BOP1: variants seen among roughly 807,000 people sequenced by gnomAD.
BOP1 encodes ribosome biogenesis protein BOP1.
In BOP1, 54 loss-of-function variants were observed where a neutral mutation model predicts 82.9. That is an observed-to-expected ratio of 0.65 (90% CI 0.52 to 0.82). The LOEUF is 0.82. Among genes scored for constraint, BOP1 ranks in the 40% least tolerant of loss-of-function variants. The pLI, the probability that BOP1 is intolerant of heterozygous loss-of-function variation, is 0.00. For synonymous variants in BOP1, 566 were observed against 451.1 expected, an observed-to-expected ratio of 1.25 and a Z score of -3.23; for missense variants, 1,170 against 1,072.0, an observed-to-expected ratio of 1.09 and a Z score of -1.28.
chr8:144,264,683 C>A, intron 5 of BOP1, 31 bp downstream of exon 5: 1 of 1,563,864 alleles, frequency 6.4e-7, no homozygotes, highest in East Asian at 2.4e-5. Context: ...CCAGGACCCC[C>A]GCCGCCCAGG....
At chr8:144,281,183 C>A (rs1177587659) in intron 2 of BOP1, among the ~76,000 whole-genome samples, 1,509 of 35,898 alleles carry the variant, frequency 0.042, 611 homozygotes, top group South Asian at 0.082. Context: ...CCCTCACTTT[C>A]ATACCAGGTC....
intron 2 of BOP1, among the ~76,000 whole-genome samples, chr8:144,288,520 T>G (rs1217943217): frequency 4.6e-5 from 7 of 152,064 alleles, no homozygotes; most frequent in African/African-American, 1.7e-4. Flanking sequence ...AGAGTGAGAC[T>G]CTGTCTCAAA....
chr8:144,269,568 G>A (rs1229654182), intron 3 of BOP1, among the ~76,000 whole-genome samples: 4 of 152,236 alleles, frequency 2.6e-5, no homozygotes, highest in Non-Finnish European at 4.4e-5. Flanking sequence ...GAGGGGGGCT[G>A]AGTCCAATCT....
chr8:144,267,334 T>G (rs1220116919), intron 3 of BOP1, among the ~76,000 whole-genome samples: 2 of 151,860 alleles, frequency 1.3e-5, no homozygotes, highest in East Asian at 3.9e-4. Context: ...GCTGGGGCCT[T>G]CTCCTGGGGC....
intron 13 of BOP1, 43 bp downstream of exon 13, chr8:144,262,810 C>CT (rs1845250919): frequency 4.8e-6 from 3 of 623,346 alleles, no homozygotes; most frequent in Non-Finnish European, 7.6e-6. Flanking sequence ...ACCGCCCCCC[C>CT]CCCCACCCCT....
chr8:144,269,639 C>T (rs1286348246), intron 3 of BOP1, among the ~76,000 whole-genome samples: 2 of 152,234 alleles, frequency 1.3e-5, no homozygotes, highest in African/African-American at 2.4e-5. Flanking sequence ...AGAAACCCAA[C>T]CCCAAATTTC....
chr8:144,262,197 CGAG>C lies in BOP1; in HGVS notation c.2205_2207del (p.Ser736del). On this transcript the variant is annotated inframe_deletion, in exon 16 of 16. Transcript: ENST00000569669. ...AGAGGCGGACAGTCCCGTCTGCCCC[CGAG>C]GAGAAGACCCACGGCTGGGTGGGGT... 7 of 1,612,700 alleles carry C rather than the reference CGAG, an allele frequency of 4.3e-6. No individual in the cohort carries two copies. Among genetic ancestry groups the C allele is most frequent in the Non-Finnish European group, 5.9e-6 (7 of 1,179,824 alleles).
In BOP1 at chr8:144,289,298, G is replaced by T. The variant is rs782467368; in HGVS notation, c.106C>A (p.Leu36Ile). The T allele has an allele frequency of 6.8e-6, 11 of 1,613,278 alleles. No homozygotes were observed. In the African/African-American group the frequency reaches 1.2e-4, roughly 18 times the overall value. ...TGGCTGAGAGGAGAGGTGCAGAGGA[G>T]GGGGGGCTGCAAGGAAACACTGGGT... ...LEPEPEPEPP[L>I]LCTSPLSHST... The change falls in exon 2 of 16, where the codon CTC becomes ATC. Residue 36 changes from leucine (L) to isoleucine (I), a missense_variant. Leu to Ile is a conservative substitution (Grantham distance 5, BLOSUM62 2). Coordinates refer to ENST00000569669, the MANE Select transcript of BOP1 (RefSeq NM_015201.5).
At chr8:144,269,308 C>A (rs1346548567) in intron 3 of BOP1, among the ~76,000 whole-genome samples, 2 of 152,246 alleles carry the variant, frequency 1.3e-5, no homozygotes, top group Non-Finnish European at 2.9e-5. Flanking sequence ...GCCTAACTTC[C>A]GGCTGGGTGG....
intron 2 of BOP1, among the ~76,000 whole-genome samples, chr8:144,284,964 G>C (rs372907603): frequency 3.3e-5 from 5 of 152,052 alleles, no homozygotes; most frequent in Non-Finnish European, 4.4e-5. Flanking sequence ...ACCCCCAGCA[G>C]TCACCGGGCT....
At chr8:144,271,812 G>A (rs912785148) in intron 3 of BOP1, among the ~76,000 whole-genome samples, 22 of 152,270 alleles carry the variant, frequency 1.4e-4, no homozygotes, top group African/African-American at 4.1e-4. Context: ...CCTCAGCTCC[G>A]GCCCGGCTCC....
rs1402390863 is a variant in BOP1, at chr8:144,291,417, G to T, written c.-47C>A. ...CACCCGCACAGCCGCTTCCGACAGC[G>T]ACCGGGCCGCGTGCGCAGGAGGACG... On this transcript the variant is annotated 5_prime_UTR_variant, in exon 1 of 16. Coordinates refer to ENST00000569669, the MANE Select transcript of BOP1 (RefSeq NM_015201.5). The surrounding 1 kb of genome is among the most constrained non-coding windows in gnomAD (Gnocchi z 4.1). 1.4e-5 allele frequency: 15 copies of T among 1,094,190 alleles called. No individual in the cohort carries two copies. The South Asian group carries it at 1.7e-4, about 13-fold the overall frequency. 67.8% of individuals were successfully genotyped at this position (1,094,190 alleles called of 1,614,324 possible).
rs1320607426 is a variant in BOP1 at position 144,263,602 on chromosome 8, C to T, written c.1300G>A (p.Asp434Asn). 1.0e-5 allele frequency: 16 copies of T among 1,607,380 alleles called. No individual in the cohort carries two copies. Among genetic ancestry groups the T allele is most frequent in the Admixed American group, 3.3e-5 (2 of 59,958 alleles). The change falls in exon 11 of 16, where the codon GAC becomes AAC. Residue 434 changes from aspartate to asparagine, a missense_variant. Transcript: ENST00000569669. ...GGQWLVSGSD[D>N]GSLRLWEVAT... ...ACCTCCCAGAGCCGCAGGGAGCCGTCGTCAGAGCCTGGATGCGGCAGAGAC... is the reference window on the plus strand; with the variant it reads ...ACCTCCCAGAGCCGCAGGGAGCCGTTGTCAGAGCCTGGATGCGGCAGAGAC...
chr8:144,266,366 G>T (rs1443518759), intron 3 of BOP1, among the ~76,000 whole-genome samples: 1 of 150,824 alleles, frequency 6.6e-6, no homozygotes, highest in African/African-American at 2.4e-5. Flanking sequence ...GGCGCTGCTC[G>T]AGGAGCCTCC....
intron 3 of BOP1, among the ~76,000 whole-genome samples, chr8:144,270,535 G>C (rs1265002466): frequency 6.6e-6 from 1 of 152,106 alleles, no homozygotes; most frequent in Non-Finnish European, 1.5e-5. Flanking sequence ...GCCGCTCCCT[G>C]AGCTGCACCG....
At chr8:144,267,379 C>T (rs993974975) in intron 3 of BOP1, among the ~76,000 whole-genome samples, 2 of 152,082 alleles carry the variant, frequency 1.3e-5, no homozygotes, top group Admixed American at 6.5e-5. Context: ...ACTCGGCTCC[C>T]AGTGGAGTGT....
chr8:144,268,137 A>C, intron 3 of BOP1: 2 of 1,551,622 alleles, frequency 1.3e-6, no homozygotes, highest in Non-Finnish European at 1.7e-6. Flanking sequence ...AGCGATTCGC[A>C]GTTAGGAGGT....
intron 3 of BOP1, chr8:144,265,995 A>G (rs1386477669): frequency 6.6e-6 from 1 of 152,500 alleles, no homozygotes; most frequent in Non-Finnish European, 1.5e-5. Flanking sequence ...TGCAGGACAG[A>G]CAGGCGGAGA....
In BOP1 at chr8:144,264,903, C is replaced by CCACCAGCCCT; in HGVS notation, c.545+4_545+13dup. Reference sequence around the variant, plus strand: ...GCCCACCCCGGCTGCTGGCCCCACCCCACCAGCCCTCACCAGTAGTCAGGA... The same window carrying CCACCAGCCCT: ...GCCCACCCCGGCTGCTGGCCCCACCCCACCAGCCCTCACCAGCCCTCACCAGTAGTCAGGA... On this transcript the variant is annotated intron_variant, in intron 4 of 15. Coordinates refer to ENST00000569669, the MANE Select transcript of BOP1 (RefSeq NM_015201.5). 6.2e-7 allele frequency: 1 copy of CCACCAGCCCT among 1,611,032 alleles called. No homozygotes were observed. Among genetic ancestry groups the CCACCAGCCCT allele is most frequent in the South Asian group, 1.1e-5 (1 of 90,982 alleles).
Sources: allele counts gnomAD v4.1 joint callset (sites outside exome capture counted in the v4.1 genomes callset), GRCh38; gene constraint gnomAD v4.1.1; non-coding constraint Gnocchi (gnomAD v3.1); transcripts MANE v1.5; gene names NCBI Gene and HGNC (gene_info 2026-07-23, HGNC 2026-07-21).